BANK1: variants seen among roughly 807,000 people sequenced by gnomAD.
BANK1 encodes the protein B-cell scaffold protein with ankyrin repeats.
BANK1 carries 95 observed loss-of-function variants against 94.5 expected under a neutral mutation model. That is an observed-to-expected ratio of 1.00 (90% CI 0.85 to 1.19). The LOEUF (loss-of-function observed/expected upper bound fraction) is 1.19. Among genes scored for constraint, BANK1 ranks in the 50% most tolerant of loss-of-function variants. BANK1 has a pLI of 0.00. For synonymous variants in BANK1, 334 were observed against 308.4 expected (o/e 1.08, Z -0.87); for missense variants, 987 against 932.2 (o/e 1.06, Z -0.77).
At chr4:101,893,470 AG>A (rs1263213165) in intron 5 of BANK1, among the ~76,000 whole-genome samples, 1 of 152,084 alleles carries the variant, frequency 6.6e-6, no homozygotes, top group East Asian at 1.9e-4. Flanking sequence ...TATGCTATAC[AG>A]AACTGTCATG....
chr4:101,957,418 C>T (rs1196137114), intron 7 of BANK1, among the ~76,000 whole-genome samples: 28 of 152,250 alleles, frequency 1.8e-4, no homozygotes, highest in Admixed American at 1.6e-3. Flanking sequence ...TGGGGCCTAC[C>T]AGACACTATC....
rs1239846668 is a variant in BANK1, at chr4:101,895,201, G to A, written c.904-104G>A. The stretch of plus-strand genomic sequence containing the variant: ...AAGTTATCAGTATTACTAAAGATTA[G>A]CCATTGTTTACTCCAGTTAATAAAT... On this transcript the variant is annotated intron_variant, in intron 5 of 16. Transcript: ENST00000322953. 7.0e-6 allele frequency: 4 copies of A among 572,386 alleles called. No individual in the cohort carries two copies. In the East Asian group the frequency reaches 9.9e-5, roughly 14 times the overall value. 35.5% of individuals were successfully genotyped at this position (572,386 alleles called of 1,614,324 possible).
intron 1 of BANK1, among the ~76,000 whole-genome samples, chr4:101,799,565 A>T (rs1447099191): frequency 6.6e-6 from 1 of 152,222 alleles, no homozygotes; most frequent in South Asian, 2.1e-4. Context: ...ATGTCCATTA[A>T]TGACAGACCG....
At chr4:101,893,327 G>A (rs1412545164) in intron 5 of BANK1, among the ~76,000 whole-genome samples, 1 of 151,946 alleles carries the variant, frequency 6.6e-6, no homozygotes, top group Non-Finnish European at 1.5e-5. Context: ...AATCCCAGAA[G>A]CTATTTTATG....
intron 1 of BANK1, among the ~76,000 whole-genome samples, chr4:101,810,980 A>G (rs1725715766): frequency 6.6e-6 from 1 of 152,188 alleles, no homozygotes; most frequent in Non-Finnish European, 1.5e-5. Flanking sequence ...TGCGGGCTTC[A>G]TATTTTATCT....
chr4:102,014,501 C>T (rs953992384), intron 7 of BANK1, among the ~76,000 whole-genome samples: 5 of 152,092 alleles, frequency 3.3e-5, no homozygotes, highest in African/African-American at 1.2e-4. Flanking sequence ...AAACTCAGGC[C>T]TAATTATTCC....
intron 4 of BANK1, among the ~76,000 whole-genome samples, chr4:101,868,862 A>T (rs1728172894): frequency 6.6e-6 from 1 of 151,876 alleles, no homozygotes. Flanking sequence ...GCAGTAATTA[A>T]GTATTGATTT....
At chr4:101,818,491 G>A (rs1281517054) in intron 1 of BANK1, among the ~76,000 whole-genome samples, 1 of 152,022 alleles carries the variant, frequency 6.6e-6, no homozygotes, top group Non-Finnish European at 1.5e-5. Context: ...CATCTCCCAA[G>A]TCTTTGTTGA....
chr4:101,887,960 CT>C (rs1227294797), intron 5 of BANK1, among the ~76,000 whole-genome samples: 13 of 152,082 alleles, frequency 8.5e-5, no homozygotes, highest in African/African-American at 3.1e-4. Context: ...TTGCTTTGCT[CT>C]TTTTTTCTAT....
At chr4:101,973,831 T>C (rs750043705) in intron 7 of BANK1, among the ~76,000 whole-genome samples, 16 of 152,116 alleles carry the variant, frequency 1.1e-4, no homozygotes, top group Non-Finnish European at 2.2e-4. Flanking sequence ...AAGACAATCA[T>C]ATTATAGTTG....
intron 3 of BANK1, among the ~76,000 whole-genome samples, chr4:101,861,529 T>G (rs1228173867): frequency 6.6e-6 from 1 of 152,150 alleles, no homozygotes; most frequent in Non-Finnish European, 1.5e-5. Flanking sequence ...TTTCATGGGG[T>G]TCGACAGCAT....
chr4:101,826,331 C>T (rs1168998417), intron 1 of BANK1, among the ~76,000 whole-genome samples: 1 of 151,948 alleles, frequency 6.6e-6, no homozygotes, highest in East Asian at 1.9e-4. Flanking sequence ...GCAGACTGCC[C>T]GCATTGGAGT....
At chr4:101,888,398 T>C (rs555721649) in intron 5 of BANK1, among the ~76,000 whole-genome samples, 253 of 152,298 alleles carry the variant, frequency 1.7e-3, no homozygotes, top group African/African-American at 5.9e-3. Context: ...CCAGTACCCC[T>C]ACCTCCCACA....
intron 9 of BANK1, 32 bp from the exon 10 acceptor site, chr4:102,029,928 G>C: frequency 1.3e-6 from 2 of 1,560,042 alleles, no homozygotes; most frequent in South Asian, 2.5e-5. Context: ...TGTAACAGAA[G>C]AGTAAACACC....
chr4:101,950,433 A>T (rs1029690122), intron 7 of BANK1, among the ~76,000 whole-genome samples: 12 of 152,132 alleles, frequency 7.9e-5, no homozygotes, highest in African/African-American at 2.7e-4. Context: ...TAAATGAATA[A>T]AATTCTTGAG....
At chr4:101,861,497 A>C (rs1727875275) in intron 3 of BANK1, among the ~76,000 whole-genome samples, 2 of 152,294 alleles carry the variant, frequency 1.3e-5, no homozygotes, top group South Asian at 4.1e-4. Flanking sequence ...ATAATCATAA[A>C]AAGAATGTTT....
intron 5 of BANK1, among the ~76,000 whole-genome samples, chr4:101,876,822 T>A (rs1219023033): frequency 6.6e-6 from 1 of 152,110 alleles, no homozygotes; most frequent in East Asian, 1.9e-4. Flanking sequence ...AGTTAAGAAT[T>A]CTGTCAGAGA....
chr4:102,059,847 C>T (rs17271413), intron 11 of BANK1, among the ~76,000 whole-genome samples: 45,071 of 151,988 alleles, frequency 0.3, 8,008 homozygotes, highest in South Asian at 0.44. Flanking sequence ...TAACATTTAT[C>T]TAGCTTACTG....
At chr4:102,009,201 T>C (rs534720004) in intron 7 of BANK1, among the ~76,000 whole-genome samples, 33 of 152,360 alleles carry the variant, frequency 2.2e-4, no homozygotes, top group African/African-American at 7.9e-4. Flanking sequence ...ACAGACATCC[T>C]GGCTCCTGCT....
Sources: allele counts gnomAD v4.1 joint callset (sites outside exome capture counted in the v4.1 genomes callset), GRCh38; gene constraint gnomAD v4.1.1; transcripts MANE v1.5; gene names NCBI Gene and HGNC (gene_info 2026-07-23, HGNC 2026-07-21).